FSTL4: variants seen among roughly 807,000 people sequenced by gnomAD.
The protein encoded by FSTL4 is follistatin-related protein 4.
FSTL4 carries 28 observed loss-of-function variants against 78.2 expected under a neutral mutation model. That is an observed-to-expected ratio of 0.36 (90% CI 0.27 to 0.49). The LOEUF is 0.49. Among genes scored for constraint, FSTL4 ranks in the 20% least tolerant of loss-of-function variants. FSTL4 has a pLI of 0.98. For synonymous variants in FSTL4, 422 were observed against 440.5 expected (o/e 0.96, Z 0.53); for missense variants, 922 against 1,084.9 (o/e 0.85, Z 2.11).
intron 3 of FSTL4, among the ~76,000 whole-genome samples, chr5:133,560,696 A>T (rs962851279): frequency 6.6e-6 from 1 of 151,930 alleles, no homozygotes; most frequent in African/African-American, 2.4e-5. Context: ...GCACCATCTT[A>T]AAGGCTTAGT....
At chr5:133,428,327 C>T (rs1756869918) in intron 3 of FSTL4, among the ~76,000 whole-genome samples, 2 of 152,198 alleles carry the variant, frequency 1.3e-5, no homozygotes, top group South Asian at 2.1e-4. Context: ...TGATCTCTGA[C>T]TCTCTGGCTT....
chr5:133,247,019 C>G (rs1009803589), intron 7 of FSTL4: 13 of 152,162 alleles, frequency 8.5e-5, no homozygotes, highest in Non-Finnish European at 1.8e-4. Context: ...AGTGGCAGAC[C>G]CCAGGCTCAT....
the FSTL4 span, among the ~76,000 whole-genome samples, chr5:133,682,196 G>A: frequency 6.6e-6 from 1 of 152,182 alleles, no homozygotes; most frequent in African/African-American, 2.4e-5. Context: ...ATTCAGACAT[G>A]ACATCCATCA....
intron 4 of FSTL4, among the ~76,000 whole-genome samples, chr5:133,350,044 A>G (rs1211965484): frequency 4.1e-5 from 6 of 146,442 alleles, no homozygotes; most frequent in African/African-American, 1.0e-4. Context: ...AAGGACCCAT[A>G]GGATGGACTT....
intron 6 of FSTL4, among the ~76,000 whole-genome samples, chr5:133,265,939 G>A (rs1752631974): frequency 6.6e-6 from 1 of 152,180 alleles, no homozygotes; most frequent in South Asian, 2.1e-4. Flanking sequence ...ACACGATGGG[G>A]GATTGTCAAA....
chr5:133,481,032 C>T (rs1049806427), intron 3 of FSTL4, among the ~76,000 whole-genome samples: 1 of 152,116 alleles, frequency 6.6e-6, no homozygotes, highest in African/African-American at 2.4e-5. Context: ...CAGTGGAACC[C>T]AGGCTGGAAG....
the FSTL4 span, among the ~76,000 whole-genome samples, chr5:133,760,873 T>C: frequency 2.6e-5 from 4 of 152,128 alleles, 1 homozygote; most frequent in Admixed American, 1.3e-4. Flanking sequence ...AGAAGGTGAG[T>C]GGTATTTTAT....
At chr5:133,410,853 A>G (rs541333449) in intron 3 of FSTL4, among the ~76,000 whole-genome samples, 2 of 152,228 alleles carry the variant, frequency 1.3e-5, no homozygotes, top group Non-Finnish European at 2.9e-5. Flanking sequence ...AGCCATAAAA[A>G]CATGCACTGG....
chr5:133,437,810 T>A lies in FSTL4; in HGVS notation c.161-36824A>T, dbSNP rs540492726. Among the ~76,000 whole-genome samples the A allele has an allele frequency of 3.9e-5, 6 of 152,188 alleles. No homozygotes were observed. In the South Asian group the frequency reaches 1.0e-3, roughly 26 times the overall value. Reference sequence around the variant, plus strand: ...TTGGCCAGTAAATGGTTTTTTTTTTTAGTCAGTTTGGAGTCTTTGCATTGT... The same window carrying A: ...TTGGCCAGTAAATGGTTTTTTTTTTAAGTCAGTTTGGAGTCTTTGCATTGT... On this transcript the variant is annotated intron_variant, in intron 3 of 15. Transcript: ENST00000265342.
At chr5:133,683,695 A>G in the FSTL4 span, among the ~76,000 whole-genome samples, 36 of 151,942 alleles carry the variant, frequency 2.4e-4, no homozygotes, top group Non-Finnish European at 3.2e-4. Flanking sequence ...TATTTTCTGG[A>G]TTGAAAACAT....
At chr5:133,390,950 C>T (rs1755834057) in intron 4 of FSTL4, among the ~76,000 whole-genome samples, 1 of 152,194 alleles carries the variant, frequency 6.6e-6, no homozygotes, top group Non-Finnish European at 1.5e-5. Flanking sequence ...CAGGCCTCTG[C>T]TCAATTCTTG....
chr5:133,702,361 A>G, the FSTL4 span, among the ~76,000 whole-genome samples: 2 of 152,208 alleles, frequency 1.3e-5, no homozygotes, highest in Non-Finnish European at 2.9e-5. Flanking sequence ...GCCTGAGCAC[A>G]GGGCCAGACC....
intron 4 of FSTL4, among the ~76,000 whole-genome samples, chr5:133,340,800 G>A (rs868803395): frequency 6.6e-6 from 1 of 152,216 alleles, no homozygotes; most frequent in South Asian, 2.1e-4. Flanking sequence ...TGCAATAATT[G>A]GAAATACACT....
intron 3 of FSTL4, among the ~76,000 whole-genome samples, chr5:133,430,936 G>A (rs1756922703): frequency 6.6e-6 from 1 of 152,174 alleles, no homozygotes. Context: ...CAAAGTGGTG[G>A]TGAACAATAA....
intron 4 of FSTL4, among the ~76,000 whole-genome samples, chr5:133,321,643 CGA>C (rs1754056473): frequency 6.6e-6 from 1 of 152,178 alleles, no homozygotes; most frequent in African/African-American, 2.4e-5. Flanking sequence ...GTCAGGAGTT[CGA>C]GAGAATGGTT....
At chr5:133,340,900 C>G (rs1032751980) in intron 4 of FSTL4, among the ~76,000 whole-genome samples, 1 of 152,128 alleles carries the variant, frequency 6.6e-6, no homozygotes, top group Non-Finnish European at 1.5e-5. Context: ...AGGCTGCCCC[C>G]GAGACAGCTA....
chr5:133,569,296 G>A (rs929096469), intron 2 of FSTL4, among the ~76,000 whole-genome samples: 2 of 152,204 alleles, frequency 1.3e-5, no homozygotes. Flanking sequence ...CTCAACCCAT[G>A]TTAGGCGTTG....
chr5:133,677,016 C>T, the FSTL4 span, among the ~76,000 whole-genome samples: 5 of 152,144 alleles, frequency 3.3e-5, no homozygotes, highest in African/African-American at 4.8e-5. Context: ...AACCCTTCCC[C>T]GGAGAAGATG....
intron 6 of FSTL4, among the ~76,000 whole-genome samples, chr5:133,292,041 C>T (rs1442227004): frequency 1.3e-5 from 2 of 152,202 alleles, no homozygotes; most frequent in Non-Finnish European, 2.9e-5. Flanking sequence ...GGCCTTGAGT[C>T]TCCACCCAGC....
Sources: allele counts gnomAD v4.1 joint callset (sites outside exome capture counted in the v4.1 genomes callset), GRCh38; gene constraint gnomAD v4.1.1; transcripts MANE v1.5; gene names NCBI Gene and HGNC (gene_info 2026-07-23, HGNC 2026-07-21).